Variants in GRM8 observed in about 807,000 individuals in gnomAD.
GRM8 encodes the protein glutamate metabotropic receptor 8.
A neutral mutation model predicts 87.2 loss-of-function variants in GRM8; 47 were observed. The observed-to-expected ratio is 0.54, with a 90% CI of 0.43 to 0.69. The LOEUF (loss-of-function observed/expected upper bound fraction) is 0.69, where lower values mean the gene tolerates loss of function less well. Ranked by LOEUF, GRM8 falls within the 30% of genes least tolerant of loss-of-function variation. GRM8 has a pLI of 0.00. For missense variants in GRM8, 1,019 were observed against 1,139.2 expected, an observed-to-expected ratio of 0.89 and a Z score of 1.52; for synonymous variants, 396 against 404.5, an observed-to-expected ratio of 0.98 and a Z score of 0.25.
In GRM8 at chr7:127,242,953, G is replaced by A. The variant is rs747403526; in HGVS notation, c.252C>T (p.Asp84=). 3 of 1,614,104 alleles carry A rather than the reference G, an allele frequency of 1.9e-6. No individual in the cohort carries two copies. Among genetic ancestry groups the A allele is most frequent in the South Asian group, 2.2e-5 (2 of 91,070 alleles). The part of the protein sequence containing the change: ...HRLEAMLYAI[D]QINKDPDLLS... ...GGAGATCAGGGTCCTTGTTAATCTG[G>A]TCAATTGCATAAAGCATGGCCTCCA... The change falls in exon 2 of 11, where the codon GAC becomes GAT. Residue 84 remains aspartate (D), a synonymous_variant. Transcript: ENST00000339582.
At chr7:126,468,038 A>G (rs1029620306) in intron 9 of GRM8, among the ~76,000 whole-genome samples, 1 of 152,058 alleles carries the variant, frequency 6.6e-6, no homozygotes, top group Non-Finnish European at 1.5e-5. Context: ...ATCATCTCTA[A>G]TTGTCTCACT....
chr7:126,922,540 G>A (rs889202926), intron 3 of GRM8, among the ~76,000 whole-genome samples: 6 of 152,162 alleles, frequency 3.9e-5, no homozygotes, highest in East Asian at 1.9e-4. Flanking sequence ...TCAAAAGCAC[G>A]GGGAGGGCAG....
intron 6 of GRM8, among the ~76,000 whole-genome samples, chr7:126,893,173 A>C (rs1227705956): frequency 6.6e-6 from 1 of 152,030 alleles, no homozygotes; most frequent in African/African-American, 2.4e-5. Context: ...TTTTTAGAAA[A>C]ACAAAACACT....
intron 6 of GRM8, among the ~76,000 whole-genome samples, chr7:126,785,256 C>G (rs183548173): frequency 7.9e-4 from 120 of 152,244 alleles, no homozygotes; most frequent in African/African-American, 2.8e-3. Flanking sequence ...AAGACAGACT[C>G]GGGTATTGGA....
intron 6 of GRM8, chr7:126,869,101 G>A (rs1453157476): frequency 6.6e-6 from 1 of 152,124 alleles, no homozygotes; most frequent in Admixed American, 6.6e-5. Context: ...GCATCTTCAT[G>A]GGAAATAGAT....
chr7:126,985,792 T>C (rs151119422), intron 3 of GRM8, among the ~76,000 whole-genome samples: 347 of 152,282 alleles, frequency 2.3e-3, no homozygotes, highest in African/African-American at 8.0e-3. Flanking sequence ...AATCAGTTAA[T>C]AAAGGCAGGT....
At chr7:126,742,527 G>A (rs1037018538) in intron 7 of GRM8, among the ~76,000 whole-genome samples, 9 of 151,848 alleles carry the variant, frequency 5.9e-5, no homozygotes, top group African/African-American at 2.2e-4. Context: ...AGGCCAGCCC[G>A]CACAGCCACC....
At chr7:126,589,883 C>T (rs1461162014) in intron 8 of GRM8, among the ~76,000 whole-genome samples, 1 of 152,120 alleles carries the variant, frequency 6.6e-6, no homozygotes, top group Admixed American at 6.5e-5. Context: ...GAACAGAAGC[C>T]CTTGAGCCCC....
At chr7:127,063,402 C>G (rs1208173400) in intron 3 of GRM8, among the ~76,000 whole-genome samples, 1 of 151,886 alleles carries the variant, frequency 6.6e-6, no homozygotes, top group Admixed American at 6.6e-5. Flanking sequence ...ATGGTAAAAC[C>G]CTGTCTCTAC....
rs561771778 is a variant in GRM8, at chr7:126,645,437, A to G, written c.1358-35939T>C. Among the ~76,000 whole-genome samples the G allele has an allele frequency of 3.3e-5, 5 of 152,270 alleles. No individual in the cohort carries two copies. In the South Asian group the frequency reaches 1.0e-3, roughly 32 times the overall value. ...CACAAAGGCTGTTTTCCACACCCCT[A>G]TGATTTTATTCCCAACCAATCAACA... On this transcript the variant is annotated intron_variant, in intron 7 of 10. Transcript: ENST00000339582.
chr7:127,185,763 T>C (rs1359453304), intron 2 of GRM8, among the ~76,000 whole-genome samples: 1 of 152,154 alleles, frequency 6.6e-6, no homozygotes, highest in African/African-American at 2.4e-5. Context: ...TCCCTGGCAA[T>C]GTAGTATCCA....
At chr7:126,923,463 C>T (rs531295825) in intron 3 of GRM8, among the ~76,000 whole-genome samples, 1 of 152,308 alleles carries the variant, frequency 6.6e-6, no homozygotes, top group East Asian at 1.9e-4. Flanking sequence ...AAAACCACTA[C>T]TGACACTTTA....
intron 8 of GRM8, among the ~76,000 whole-genome samples, chr7:126,542,699 C>A (rs1253424151): frequency 1.3e-5 from 2 of 152,150 alleles, no homozygotes; most frequent in Admixed American, 6.5e-5. Flanking sequence ...ATCTAGTTTC[C>A]AGACTTTATT....
At chr7:127,172,367 T>C (rs1682270780) in intron 2 of GRM8, among the ~76,000 whole-genome samples, 1 of 152,188 alleles carries the variant, frequency 6.6e-6, no homozygotes, top group Non-Finnish European at 1.5e-5. Context: ...TATGTTTCTT[T>C]ACTTTTTAAA....
intron 2 of GRM8, among the ~76,000 whole-genome samples, chr7:127,231,902 G>GT (rs1326087748): frequency 2.0e-5 from 3 of 151,690 alleles, no homozygotes; most frequent in East Asian, 3.9e-4. Flanking sequence ...AATCCTAAGG[G>GT]TATTTTTCTT....
rs189550670 is a variant in GRM8 at position 126,586,077 on chromosome 7, C to T, written c.1494+23285G>A. On this transcript the variant is annotated intron_variant, in intron 8 of 10. Transcript: ENST00000339582. ...GCCAAATCATGAATGGACTCCCATT[C>T]ACAACTGCTTCAAAGAGAATAAAAT... Among the ~76,000 whole-genome samples, 512 of 152,182 alleles carry T rather than the reference C, an allele frequency of 3.4e-3. 3 individuals carry two copies. Among genetic ancestry groups the T allele is most frequent in the African/African-American group, 0.011 (468 of 41,524 alleles).
chr7:126,746,378 AT>A (rs1402986209), intron 7 of GRM8, among the ~76,000 whole-genome samples: 1 of 151,736 alleles, frequency 6.6e-6, no homozygotes, highest in Non-Finnish European at 1.5e-5. Flanking sequence ...CAGGAAATTC[AT>A]CCATGGTTAT....
At chr7:126,574,645 CAG>C (rs1234883707) in intron 8 of GRM8, among the ~76,000 whole-genome samples, 2 of 152,134 alleles carry the variant, frequency 1.3e-5, no homozygotes, top group East Asian at 1.9e-4. Flanking sequence ...TTTTTTTCTA[CAG>C]AGTTAAGTCT....
chr7:127,144,438 C>T (rs2133284133), intron 2 of GRM8, among the ~76,000 whole-genome samples: 1 of 152,128 alleles, frequency 6.6e-6, no homozygotes, highest in East Asian at 1.9e-4. Flanking sequence ...TGAAAAGGAA[C>T]CATTTTGCTT....
Sources: allele counts gnomAD v4.1 joint callset (sites outside exome capture counted in the v4.1 genomes callset), GRCh38; gene constraint gnomAD v4.1.1; transcripts MANE v1.5; gene names NCBI Gene and HGNC (gene_info 2026-07-23, HGNC 2026-07-21).